The following SYN2 variants were observed in gnomAD, a reference collection of about 807,000 sequenced individuals.
SYN2 encodes synapsin II, also known as synapsin-2.
A neutral mutation model predicts 50.9 loss-of-function variants in SYN2; 19 were observed. That is an observed-to-expected ratio of 0.37 (90% CI 0.26 to 0.55). The LOEUF (loss-of-function observed/expected upper bound fraction) is 0.55, where lower values mean the gene tolerates loss of function less well. Among genes scored for constraint, SYN2 ranks in the 20% least tolerant of loss-of-function variants. SYN2 has a pLI of 0.81. For missense variants in SYN2, 587 were observed against 576.4 expected (o/e 1.02, Z -0.19); for synonymous variants, 255 against 224.9 (o/e 1.13, Z -1.20).
chr3:12,044,202 CA>C (rs1359046173), intron 1 of SYN2, among the ~76,000 whole-genome samples: 28 of 150,594 alleles, frequency 1.9e-4, no homozygotes, highest in Non-Finnish European at 2.7e-4. Flanking sequence ...CACACACACA[CA>C]CACACACACA....
Position 12,020,696 on chromosome 3 carries a change from G to A in SYN2, c.377+15768G>A, listed in dbSNP as rs548881583. 7.9e-5 allele frequency among the ~76,000 whole-genome samples: 12 copies of A among 152,112 alleles called. No individual in the cohort carries two copies. In the South Asian group the frequency reaches 2.5e-3, roughly 32 times the overall value. Reference sequence around the variant, plus strand: ...TATAAACTTTTTGTTTGACTTTAATGATTTACCTCCTCTCCCCTTCTTGGG... The same window carrying A: ...TATAAACTTTTTGTTTGACTTTAATAATTTACCTCCTCTCCCCTTCTTGGG... On this transcript the variant is annotated intron_variant, in intron 1 of 12. Coordinates refer to ENST00000621198, the MANE Select transcript of SYN2 (RefSeq NM_133625.6).
At chr3:12,154,408 G>GT in intron 5 of SYN2, 1 of 1,614,200 alleles carries the variant, frequency 6.2e-7, no homozygotes, top group Non-Finnish European at 8.5e-7. Flanking sequence ...GCTCGATGTA[G>GT]TTGCACAGAT....
chr3:12,089,991 A>G (rs1418547090), intron 1 of SYN2, among the ~76,000 whole-genome samples: 1 of 152,192 alleles, frequency 6.6e-6, no homozygotes, highest in Non-Finnish European at 1.5e-5. Flanking sequence ...GAATTCAATG[A>G]GCACTAGGTA....
intron 1 of SYN2, among the ~76,000 whole-genome samples, chr3:12,114,121 T>A (rs951113364): frequency 2.6e-5 from 4 of 152,138 alleles, no homozygotes; most frequent in South Asian, 4.1e-4. Flanking sequence ...TCCATCTTTT[T>A]TTTTTTTTAT....
chr3:12,166,192 TG>T (rs1298775210), intron 7 of SYN2, among the ~76,000 whole-genome samples: 2 of 152,168 alleles, frequency 1.3e-5, no homozygotes, highest in Non-Finnish European at 2.9e-5. Context: ...ATCAGATCTC[TG>T]GGGAGGACAC....
intron 1 of SYN2, among the ~76,000 whole-genome samples, chr3:12,043,329 C>CT (rs1261315524): frequency 1.3e-5 from 2 of 151,986 alleles, no homozygotes; most frequent in African/African-American, 4.8e-5. Context: ...TGCCCAGCTG[C>CT]TTTTTTTTCC....
chr3:12,183,567 G>A (rs1181044795), intron 11 of SYN2, 195 bp downstream of exon 11: 1 of 1,504,844 alleles, frequency 6.6e-7, no homozygotes, highest in Non-Finnish European at 8.8e-7. Context: ...TGACTGGACT[G>A]TGTTTTTCCT....
chr3:12,093,886 T>A (rs1695878314), intron 1 of SYN2, among the ~76,000 whole-genome samples: 1 of 149,576 alleles, frequency 6.7e-6, no homozygotes, highest in African/African-American at 2.5e-5. Context: ...AGATGGAGTC[T>A]TGCTCTGTTG....
chr3:12,079,565 G>T (rs2125173239), intron 1 of SYN2, among the ~76,000 whole-genome samples: 1 of 152,214 alleles, frequency 6.6e-6, no homozygotes, highest in African/African-American at 2.4e-5. Flanking sequence ...ATAATCATGT[G>T]GTTTTTGTCT....
chr3:12,022,396 G>T (rs1289654470), intron 1 of SYN2, among the ~76,000 whole-genome samples: 1 of 151,230 alleles, frequency 6.6e-6, no homozygotes, highest in Non-Finnish European at 1.5e-5. Flanking sequence ...CCTCTAGGAA[G>T]TTATTATTAT....
intron 4 of SYN2, among the ~76,000 whole-genome samples, chr3:12,150,012 G>C (rs977281149): frequency 2.6e-5 from 4 of 152,198 alleles, no homozygotes; most frequent in Non-Finnish European, 4.4e-5. Context: ...AACAGAACAA[G>C]AATCAGAAGA....
chr3:12,022,838 G>A (rs1251112237), intron 1 of SYN2, among the ~76,000 whole-genome samples: 3 of 151,988 alleles, frequency 2.0e-5, no homozygotes, highest in Non-Finnish European at 4.4e-5. Context: ...ATGAGCCACC[G>A]TGCCTGGCCA....
intron 10 of SYN2, among the ~76,000 whole-genome samples, chr3:12,181,096 T>C (rs1335673904): frequency 6.6e-6 from 1 of 152,228 alleles, no homozygotes; most frequent in Non-Finnish European, 1.5e-5. Context: ...TATCTCACTA[T>C]TTTTACAAAA....
chr3:12,138,217 G>T (rs907950664), intron 1 of SYN2, among the ~76,000 whole-genome samples: 3 of 152,184 alleles, frequency 2.0e-5, no homozygotes, highest in African/African-American at 7.2e-5. Flanking sequence ...GGCCATCTTG[G>T]CTCCTTTTCT....
intron 1 of SYN2, among the ~76,000 whole-genome samples, chr3:12,101,651 C>T (rs1001745734): frequency 6.6e-6 from 1 of 151,942 alleles, no homozygotes; most frequent in Non-Finnish European, 1.5e-5. Context: ...ATCTTAATGT[C>T]TTTAAAAAAG....
intron 7 of SYN2, among the ~76,000 whole-genome samples, chr3:12,164,984 C>CTTTTTTTTTTTTTTTTT (rs68043865): frequency 1.1e-4 from 10 of 92,346 alleles, no homozygotes; most frequent in African/African-American, 1.5e-4. Flanking sequence ...TTTTTCTTTT[C>CTTTTTTTTTTTTTTTTT]TTTTTTTTTT....
At chr3:12,149,159 ATCTGTGTGGTG>A (rs1484455701) in intron 4 of SYN2, among the ~76,000 whole-genome samples, 1 of 152,116 alleles carries the variant, frequency 6.6e-6, no homozygotes, top group Admixed American at 6.5e-5. Flanking sequence ...CTGTCCTGGC[ATCTGTGTGGTG>A]TCTGTGTAAC....
At chr3:12,159,068 G>A in intron 5 of SYN2, 1 of 557,176 alleles carries the variant, frequency 1.8e-6, no homozygotes, top group Non-Finnish European at 3.0e-6. Flanking sequence ...GGGAAGCCTG[G>A]AAGGAGGCCC....
intron 1 of SYN2, among the ~76,000 whole-genome samples, chr3:12,096,637 A>G (rs1302573848): frequency 2.0e-5 from 3 of 152,130 alleles, no homozygotes; most frequent in Non-Finnish European, 2.9e-5. Flanking sequence ...AAAGGAAACT[A>G]TATCTAAAAA....
Sources: gnomAD v4.1 joint callset for allele counts (sites outside exome capture counted in the v4.1 genomes callset) on GRCh38, gnomAD v4.1.1 for gene constraint, MANE v1.5 for transcripts, NCBI Gene and HGNC (gene_info 2026-07-23, HGNC 2026-07-21) for gene names.